TTL: variants seen among roughly 807,000 people sequenced by gnomAD.
The protein encoded by TTL is tubulin--tyrosine ligase.
A neutral mutation model predicts 41.1 loss-of-function variants in TTL; 10 were observed. That is an observed-to-expected ratio of 0.24 (90% CI 0.15 to 0.41). The LOEUF (loss-of-function observed/expected upper bound fraction) is 0.41, where lower values mean the gene tolerates loss of function less well. Ranked by LOEUF, TTL falls within the 10% of genes least tolerant of loss-of-function variation. The pLI is 1.00. For synonymous variants in TTL, 175 were observed against 175.5 expected (o/e 1.00, Z 0.02); for missense variants, 367 against 460.4 (o/e 0.80, Z 1.86).
chr2:112,502,579 G>A (rs1278100570), intron 4 of TTL, among the ~76,000 whole-genome samples: 1 of 150,376 alleles, frequency 6.6e-6, no homozygotes, highest in Non-Finnish European at 1.5e-5. Flanking sequence ...GGAGGTTGCA[G>A]TGAGCCGAGA....
At chr2:112,519,948 T>C (rs549632901) in intron 5 of TTL, among the ~76,000 whole-genome samples, 16 of 152,042 alleles carry the variant, frequency 1.1e-4, no homozygotes, top group Admixed American at 9.2e-4. Context: ...CTGACCAACA[T>C]GGAGAAACCC....
In TTL at chr2:112,485,904, C is replaced by A; in HGVS notation, c.158-13C>A. 1 of 1,597,652 alleles carries A rather than the reference C, an allele frequency of 6.3e-7. No homozygotes were observed. Among genetic ancestry groups the A allele is most frequent in the South Asian group, 1.1e-5 (1 of 90,998 alleles). On this transcript the variant is annotated splice_polypyrimidine_tract_variant and intron_variant, in intron 1 of 6. Transcript: ENST00000233336. ...GTCCTGTGTCCCTTCTGAGCCTCCT[C>A]TTTCCTTCCTAGGTCACGAGCCCGG...
rs145085628 is a variant in TTL at position 112,532,765 on chromosome 2, C to CTCTTAAAAAATAAACTAT, written c.*3975_*3976insAAAAATAAACTATTCTTA. The CTCTTAAAAAATAAACTAT allele has an allele frequency of 6.0e-6, 1 of 166,352 alleles. No homozygotes were observed. Among genetic ancestry groups the CTCTTAAAAAATAAACTAT allele is most frequent in the African/African-American group, 2.4e-5 (1 of 41,690 alleles). The allele number at this position is 166,352 out of a possible 1,614,324, so 10.3% of individuals were successfully genotyped here. A position where few individuals can be genotyped will look rare whatever the true frequency, so the allele number is the denominator to read the frequency against. ...GCATACTTTTTGTTTTTTTCTCCAA[C>CTCTTAAAAAATAAACTAT]TCTTAGCTCATAGGCCGTATAAAAG... On this transcript the variant is annotated 3_prime_UTR_variant, in exon 7 of 7. Transcript: ENST00000233336.
chr2:112,510,356 T>G (rs1005232584), intron 5 of TTL, among the ~76,000 whole-genome samples: 5 of 152,162 alleles, frequency 3.3e-5, no homozygotes, highest in African/African-American at 1.2e-4. Context: ...TTCAAGCTCC[T>G]GGGCTCAAGC....
rs370416960 is a variant in TTL at position 112,520,111 on chromosome 2, CAA to C, written c.876-170_876-169del. The stretch of plus-strand genomic sequence containing the variant: ...TGCCATTGCACTCCAGCCTGGGCAA[CAA>C]GAGCAAAACTCCGTCTCAAAAAAAA... On this transcript the variant is annotated intron_variant, in intron 5 of 6. Coordinates refer to ENST00000233336, the MANE Select transcript of TTL (RefSeq NM_153712.5). Among the ~76,000 whole-genome samples, 156 of 90,146 alleles carry C rather than the reference CAA, an allele frequency of 1.7e-3. 2 individuals are homozygous for C. Among genetic ancestry groups the C allele is most frequent in the African/African-American group, 6.9e-3 (153 of 22,316 alleles). 59.1% of individuals were successfully genotyped at this position (90,146 alleles called of 152,430 possible). A position where few individuals can be genotyped will look rare whatever the true frequency, so the allele number is the denominator to read the frequency against.
rs1046126139 is a variant in TTL at position 112,537,779 on chromosome 2, T to C, written c.*8984T>C. The stretch of plus-strand genomic sequence containing the variant: ...GAAACAGACAATTTAACTACAATAG[T>C]TGGAACCCTCAAAACTCCATTTCAA... On this transcript the variant is annotated 3_prime_UTR_variant, in exon 7 of 7. Transcript: ENST00000233336. 2 of 152,230 alleles carry C rather than the reference T, an allele frequency of 1.3e-5. No individual in the cohort carries two copies. Among genetic ancestry groups the C allele is most frequent in the African/African-American group, 2.4e-5 (1 of 41,452 alleles). The allele number at this position is 152,230 out of a possible 1,614,324, so 9.4% of individuals were successfully genotyped here. A position where few individuals can be genotyped will look rare whatever the true frequency, so the allele number is the denominator to read the frequency against.
intron 3 of TTL, among the ~76,000 whole-genome samples, chr2:112,497,400 G>A (rs578132279): frequency 6.6e-6 from 1 of 152,086 alleles, no homozygotes; most frequent in East Asian, 1.9e-4. Flanking sequence ...AAGCCTTTAT[G>A]GCTCTTGCTC....
intron 2 of TTL, among the ~76,000 whole-genome samples, chr2:112,486,368 C>T (rs897093898): frequency 6.6e-6 from 1 of 152,210 alleles, no homozygotes; most frequent in South Asian, 2.1e-4. Flanking sequence ...GAGTGAATGG[C>T]ACCTCAGAGT....
intron 1 of TTL, among the ~76,000 whole-genome samples, chr2:112,484,291 T>A (rs1044895923): frequency 1.3e-5 from 2 of 149,610 alleles, no homozygotes; most frequent in Non-Finnish European, 3.0e-5. Context: ...TGCGACAGAG[T>A]CTCACTCTGT....
At chr2:112,494,060 T>C in intron 2 of TTL, 83 bp from the exon 3 acceptor site, 3 of 1,054,970 alleles carry the variant, frequency 2.8e-6, no homozygotes, top group Non-Finnish European at 4.2e-6. Flanking sequence ...CCGGAAAGTC[T>C]CTGGGGGAAA....
intron 2 of TTL, among the ~76,000 whole-genome samples, chr2:112,486,539 A>G (rs918582695): frequency 3.3e-5 from 5 of 152,218 alleles, no homozygotes; most frequent in African/African-American, 1.2e-4. Context: ...TCATGGCTGT[A>G]AGGGGTCCCT....
intron 2 of TTL, among the ~76,000 whole-genome samples, chr2:112,491,745 C>G (rs1008918886): frequency 6.6e-6 from 1 of 152,106 alleles, no homozygotes; most frequent in Non-Finnish European, 1.5e-5. Context: ...AAATACTTAT[C>G]AAGTTTATTA....
chr2:112,482,600 A>C lies in TTL; in HGVS notation c.157+99A>C. 7.6e-7 allele frequency: 1 copy of C among 1,322,338 alleles called. No homozygotes were observed. Among genetic ancestry groups the C allele is most frequent in the Non-Finnish European group, 1.0e-6 (1 of 994,860 alleles). 81.9% of individuals were successfully genotyped at this position (1,322,338 alleles called of 1,614,324 possible). A position where few individuals can be genotyped will look rare whatever the true frequency, so the allele number is the denominator to read the frequency against. Reference sequence around the variant, plus strand: ...GCGCTTTTGTTTTTAAAGGTCATACATTTTCTCCTCTGTCGCTTGTCGGGC... The same window carrying C: ...GCGCTTTTGTTTTTAAAGGTCATACCTTTTCTCCTCTGTCGCTTGTCGGGC... On this transcript the variant is annotated intron_variant, in intron 1 of 6. Coordinates refer to ENST00000233336, the MANE Select transcript of TTL (RefSeq NM_153712.5). This position sits in a 1 kb window ranked among gnomAD's most constrained non-coding sequence, Gnocchi z 5.3.
chr2:112,496,665 C>CTG (rs10635241), intron 3 of TTL, among the ~76,000 whole-genome samples: 33,272 of 105,170 alleles, frequency 0.32, 5,750 homozygotes, highest in Non-Finnish European at 0.39. Context: ...ATATATGTGT[C>CTG]TGTGTGTGTG....
chr2:112,485,836 A>G, intron 1 of TTL, 81 bp from the exon 2 acceptor site: 1 of 1,271,134 alleles, frequency 7.9e-7, no homozygotes, highest in Admixed American at 2.2e-5. Context: ...TGAGAGAGAG[A>G]AAAGCTGGGC....
At position 112,535,872 on chromosome 2, in the gene TTL, A is replaced by G. The variant is rs1682587500; in HGVS notation, c.*7077A>G. 1 of 152,116 alleles carries G rather than the reference A, an allele frequency of 6.6e-6. No homozygotes were observed. The highest frequency in any genetic ancestry group is 1.5e-5 in the Non-Finnish European group (1 of 68,024). 9.4% of individuals were successfully genotyped at this position (152,116 alleles called of 1,614,324 possible). ...TAGGTTGGAGTCTAGTGGTGTAATG[A>G]TAGCTCACTGCAGCCTCAAACTTCT... On this transcript the variant is annotated 3_prime_UTR_variant, in exon 7 of 7. Coordinates refer to ENST00000233336, the MANE Select transcript of TTL (RefSeq NM_153712.5).
intron 6 of TTL, 146 bp downstream of exon 6, chr2:112,520,571 G>T: frequency 8.8e-7 from 1 of 1,139,412 alleles, no homozygotes; most frequent in Non-Finnish European, 1.2e-6. Flanking sequence ...CTATCTGGCA[G>T]GGGGCTTTGC....
In TTL at chr2:112,536,506, A is replaced by G. The variant is rs1231037475; in HGVS notation, c.*7711A>G. On this transcript the variant is annotated 3_prime_UTR_variant, in exon 7 of 7. Transcript: ENST00000233336. ...TAGACAACATAAACTTTAAGAAAAA[A>G]ATTGTTTCTATAGACAAAGAAGGAC... 1 of 152,218 alleles carries G rather than the reference A, an allele frequency of 6.6e-6. No individual in the cohort carries two copies. Among genetic ancestry groups the G allele is most frequent in the Admixed American group, 6.5e-5 (1 of 15,284 alleles). 9.4% of individuals were successfully genotyped at this position (152,218 alleles called of 1,614,324 possible).
At chr2:112,499,568 A>C (rs1185862590) in intron 3 of TTL, among the ~76,000 whole-genome samples, 1 of 152,240 alleles carries the variant, frequency 6.6e-6, no homozygotes, top group Non-Finnish European at 1.5e-5. Flanking sequence ...GGGCTTGGCA[A>C]AGAGTTCTTG....
Sources: allele counts gnomAD v4.1 joint callset (sites outside exome capture counted in the v4.1 genomes callset), GRCh38; gene constraint gnomAD v4.1.1; non-coding constraint Gnocchi (gnomAD v3.1); transcripts MANE v1.5; gene names NCBI Gene and HGNC (gene_info 2026-07-23, HGNC 2026-07-21).